PTPRM: variants seen among roughly 807,000 people sequenced by gnomAD.
PTPRM encodes protein tyrosine phosphatase receptor type M, also known as receptor-type tyrosine-protein phosphatase mu.
PTPRM carries 47 observed loss-of-function variants against 186.7 expected under a neutral mutation model. The ratio of observed to expected loss-of-function variants is 0.25; its 90% CI spans 0.20 to 0.32. PTPRM has a LOEUF of 0.32. Ranked by LOEUF, PTPRM falls within the 10% of genes least tolerant of loss-of-function variation. The pLI is 1.00. For missense variants in PTPRM, 1,494 were observed against 1,865.0 expected (o/e 0.80, Z 3.66); for synonymous variants, 668 against 674.9 (o/e 0.99, Z 0.16).
intron 2 of PTPRM, among the ~76,000 whole-genome samples, chr18:7,812,399 G>A (rs147513288): frequency 3.1e-4 from 47 of 152,198 alleles, no homozygotes; most frequent in African/African-American, 9.9e-4. Flanking sequence ...CTTTCTAGTC[G>A]AGGTACCTGG....
intron 8 of PTPRM, 31 bp from the exon 9 acceptor site, chr18:8,076,424 T>C: frequency 7.7e-7 from 1 of 1,306,832 alleles, no homozygotes; most frequent in Non-Finnish European, 1.1e-6. Flanking sequence ...GTTTATTACT[T>C]AAACATTTAT....
intron 32 of PTPRM, among the ~76,000 whole-genome samples, chr18:8,401,938 G>GGAGGACC (rs2095874542): frequency 6.6e-6 from 1 of 152,228 alleles, no homozygotes. Flanking sequence ...AAGGATGTGA[G>GGAGGACC]GAGGACCGGG....
chr18:7,622,867 A>G (rs1413401024), intron 1 of PTPRM, among the ~76,000 whole-genome samples: 7 of 152,126 alleles, frequency 4.6e-5, no homozygotes. Flanking sequence ...TGTTGAGGAG[A>G]GAGAAAGAGA....
At chr18:8,303,222 A>C (rs977002902) in intron 20 of PTPRM, among the ~76,000 whole-genome samples, 1 of 152,056 alleles carries the variant, frequency 6.6e-6, no homozygotes, top group African/African-American at 2.4e-5. Context: ...TGGTAGATCT[A>C]GTAGATCTAG....
chr18:7,634,232 AT>A (rs369808006), intron 1 of PTPRM, among the ~76,000 whole-genome samples: 19 of 149,916 alleles, frequency 1.3e-4, no homozygotes, highest in Middle Eastern at 3.5e-3. Flanking sequence ...AAAGAACAGG[AT>A]TTTTTTTTTC....
At chr18:7,955,087 C>T (rs1345037136) in intron 6 of PTPRM, 34 bp from the exon 7 acceptor site, 2 of 1,548,132 alleles carry the variant, frequency 1.3e-6, no homozygotes, top group Non-Finnish European at 1.8e-6. Flanking sequence ...GAAGACAAAG[C>T]ATCTGAAAGA....
At chr18:7,810,463 T>C (rs1396145877) in intron 2 of PTPRM, among the ~76,000 whole-genome samples, 1 of 152,230 alleles carries the variant, frequency 6.6e-6, no homozygotes, top group Non-Finnish European at 1.5e-5. Context: ...TATAGTCTGC[T>C]TACAAATGAA....
intron 14 of PTPRM, among the ~76,000 whole-genome samples, chr18:8,161,575 A>G (rs771232424): frequency 6.6e-6 from 1 of 152,134 alleles, no homozygotes; most frequent in Non-Finnish European, 1.5e-5. Flanking sequence ...GCAATGAATC[A>G]CTTTTTAAAG....
intron 23 of PTPRM, among the ~76,000 whole-genome samples, chr18:8,347,309 G>A (rs2095510634): frequency 6.6e-6 from 1 of 152,152 alleles, no homozygotes; most frequent in Non-Finnish European, 1.5e-5. Flanking sequence ...TGCTTAATTG[G>A]AATTCCAAAG....
intron 1 of PTPRM, among the ~76,000 whole-genome samples, chr18:7,708,167 A>G (rs1306590648): frequency 1.3e-5 from 2 of 152,210 alleles, no homozygotes; most frequent in African/African-American, 4.8e-5. Context: ...TCAAGTATAT[A>G]TATTTTTGGT....
At chr18:7,977,805 G>A (rs1453625611) in intron 7 of PTPRM, among the ~76,000 whole-genome samples, 11 of 152,036 alleles carry the variant, frequency 7.2e-5, no homozygotes, top group Admixed American at 7.2e-4. Flanking sequence ...ACAGTTCTAT[G>A]TCTCTGGCCC....
chr18:8,011,252 AT>A (rs1421067579), intron 7 of PTPRM, among the ~76,000 whole-genome samples: 1 of 152,166 alleles, frequency 6.6e-6, no homozygotes, highest in East Asian at 1.9e-4. Context: ...TTGGAGACAA[AT>A]GTTGGCAGTG....
chr18:8,270,406 T>C (rs564311051), intron 19 of PTPRM: 1 of 152,114 alleles, frequency 6.6e-6, no homozygotes, highest in East Asian at 1.9e-4. Flanking sequence ...GAATGACAAA[T>C]CAACCTAAGT....
chr18:8,358,247 A>ACG (rs1555885328), intron 23 of PTPRM, among the ~76,000 whole-genome samples: 1 of 105,444 alleles, frequency 9.5e-6, no homozygotes, highest in African/African-American at 4.0e-5. Flanking sequence ...TGCACATGAC[A>ACG]CGCACACACA....
intron 1 of PTPRM, among the ~76,000 whole-genome samples, chr18:7,626,728 T>C (rs58291169): frequency 0.073 from 11,050 of 152,186 alleles, 539 homozygotes; most frequent in African/African-American, 0.13. Context: ...GATCTCACTC[T>C]GTCATCCAGG....
At chr18:8,118,811 A>AAAATATAT (rs372020679) in intron 13 of PTPRM, among the ~76,000 whole-genome samples, 21 of 128,370 alleles carry the variant, frequency 1.6e-4, no homozygotes, top group African/African-American at 5.8e-4. Context: ...AAAAAAAAAA[A>AAAATATAT]ATATATATAT....
At chr18:7,993,687 G>A (rs913465163) in intron 7 of PTPRM, among the ~76,000 whole-genome samples, 1 of 152,082 alleles carries the variant, frequency 6.6e-6, no homozygotes. Flanking sequence ...AAACTGATGG[G>A]ATTTGTCACC....
At chr18:7,600,503 T>C (rs1214828050) in intron 1 of PTPRM, among the ~76,000 whole-genome samples, 1 of 152,196 alleles carries the variant, frequency 6.6e-6, no homozygotes, top group Non-Finnish European at 1.5e-5. Context: ...ATTTCCTGAC[T>C]TCAGTGTCAC....
intron 7 of PTPRM, among the ~76,000 whole-genome samples, chr18:8,017,384 C>CA (rs1370170446): frequency 6.6e-6 from 1 of 151,590 alleles, no homozygotes; most frequent in Non-Finnish European, 1.5e-5. Flanking sequence ...CAAAATTATA[C>CA]AAAAAACATG....
Sources: allele counts gnomAD v4.1 joint callset (sites outside exome capture counted in the v4.1 genomes callset), GRCh38; gene constraint gnomAD v4.1.1; transcripts MANE v1.5; gene names NCBI Gene and HGNC (gene_info 2026-07-23, HGNC 2026-07-21).